The following CNTLN variants were observed in gnomAD, a reference collection of about 807,000 sequenced individuals.
The protein encoded by CNTLN is centlein, centrosomal protein.
Under a neutral mutation model 180.0 loss-of-function variants are expected in CNTLN, and 212 were observed. The ratio of observed to expected loss-of-function variants is 1.18; its 90% CI spans 1.05 to 1.32. The LOEUF is 1.32. Ranked by LOEUF, CNTLN falls within the 40% of genes most tolerant of loss-of-function variation. The pLI, the probability that CNTLN is intolerant of heterozygous loss-of-function variation, is 0.00. For synonymous variants in CNTLN, 722 were observed against 563.1 expected (o/e 1.28, Z -3.99); for missense variants, 2,095 against 1,610.9 (o/e 1.30, Z -5.14).
intron 5 of CNTLN, among the ~76,000 whole-genome samples, chr9:17,262,162 T>C (rs10962959): frequency 0.24 from 35,778 of 151,382 alleles, 4,768 homozygotes; most frequent in South Asian, 0.36. Flanking sequence ...TGGAAGACAG[T>C]GTGGCGATTC....
At chr9:17,261,333 T>G (rs998590718) in intron 5 of CNTLN, among the ~76,000 whole-genome samples, 1 of 151,636 alleles carries the variant, frequency 6.6e-6, no homozygotes, top group Middle Eastern at 3.4e-3. Context: ...TTGGTTTGTG[T>G]CATCTATGAT....
chr9:17,409,405 G>T lies in CNTLN; in HGVS notation c.2728G>T (p.Glu910Ter), dbSNP rs1158769617. The change falls in exon 16 of 26, where the codon GAA becomes TAA. Residue 910 changes from glutamate (E) to a stop codon, truncating the protein, a stop_gained. Coordinates refer to ENST00000380647, the MANE Select transcript of CNTLN (RefSeq NM_017738.4). LOFTEE classifies it high-confidence loss of function. Reference sequence around the variant, plus strand: ...AGACCAGAAAGAAAGTGATCCAACAGAAGACAGCCAAACACAAGGAAAAGA... The same window carrying T: ...AGACCAGAAAGAAAGTGATCCAACATAAGACAGCCAAACACAAGGAAAAGA... ...GKDQKESDPT[E>*]DSQTQGKEIV... 5 of 1,613,280 alleles carry T rather than the reference G, an allele frequency of 3.1e-6. No homozygotes were observed. Among genetic ancestry groups the T allele is most frequent in the Non-Finnish European group, 4.2e-6 (5 of 1,179,652 alleles).
intron 8 of CNTLN, among the ~76,000 whole-genome samples, chr9:17,328,306 C>G (rs1459009836): frequency 6.6e-6 from 1 of 152,190 alleles, no homozygotes; most frequent in East Asian, 1.9e-4. Flanking sequence ...CTACCACATT[C>G]TCAAAGTAAC....
chr9:17,189,887 C>G (rs558762879), intron 2 of CNTLN, among the ~76,000 whole-genome samples: 1 of 151,988 alleles, frequency 6.6e-6, no homozygotes, highest in Admixed American at 6.6e-5. Flanking sequence ...ATTGTAAGTC[C>G]TCTCTTACCT....
At chr9:17,476,387 A>G (rs181354080) in intron 23 of CNTLN, among the ~76,000 whole-genome samples, 12 of 152,342 alleles carry the variant, frequency 7.9e-5, no homozygotes, top group Non-Finnish European at 1.8e-4. Context: ...GAAGAATCAC[A>G]TATCTTTCAC....
At chr9:17,350,565 C>G (rs1051144740) in intron 12 of CNTLN, among the ~76,000 whole-genome samples, 3 of 152,080 alleles carry the variant, frequency 2.0e-5, no homozygotes, top group African/African-American at 7.2e-5. Flanking sequence ...ACGCAAATCT[C>G]TTGCTGATAT....
chr9:17,518,369 G>A, the CNTLN span, among the ~76,000 whole-genome samples: 3 of 152,004 alleles, frequency 2.0e-5, no homozygotes, highest in Non-Finnish European at 2.9e-5. Context: ...TAATACCACA[G>A]ATATGCAGTA....
intron 5 of CNTLN, among the ~76,000 whole-genome samples, chr9:17,241,124 C>T (rs1007107783): frequency 6.6e-6 from 1 of 152,168 alleles, no homozygotes; most frequent in African/African-American, 2.4e-5. Flanking sequence ...TCCCAAAGTG[C>T]TGGGATTACA....
intron 18 of CNTLN, among the ~76,000 whole-genome samples, chr9:17,429,838 T>A (rs1829310887): frequency 1.3e-5 from 2 of 152,120 alleles, no homozygotes; most frequent in South Asian, 2.1e-4. Context: ...TAGAATTTTT[T>A]CAAAATTATA....
chr9:17,228,671 C>G (rs556981398), intron 3 of CNTLN, among the ~76,000 whole-genome samples: 1 of 152,064 alleles, frequency 6.6e-6, no homozygotes, highest in East Asian at 1.9e-4. Context: ...TAGTCTCATA[C>G]AGACGACTGT....
intron 14 of CNTLN, among the ~76,000 whole-genome samples, chr9:17,391,681 T>C (rs1587863343): frequency 6.6e-6 from 1 of 152,230 alleles, no homozygotes; most frequent in African/African-American, 2.4e-5. Flanking sequence ...AATTGAAATA[T>C]ACAGCTGATT....
intron 25 of CNTLN, chr9:17,494,877 T>A (rs1238437341): frequency 5.4e-4 from 2 of 3,712 alleles, no homozygotes; most frequent in Non-Finnish European, 1.3e-3. Context: ...TATACCATAC[T>A]TTTTTTTTTT....
intron 2 of CNTLN, among the ~76,000 whole-genome samples, chr9:17,155,347 A>G (rs1819199190): frequency 6.6e-6 from 1 of 152,164 alleles, no homozygotes; most frequent in Non-Finnish European, 1.5e-5. Flanking sequence ...CCCTTAGCAG[A>G]CCTGGAATGC....
intron 12 of CNTLN, among the ~76,000 whole-genome samples, chr9:17,354,881 A>T (rs182837571): frequency 0.012 from 1,754 of 151,910 alleles, 38 homozygotes; most frequent in African/African-American, 0.04. Flanking sequence ...GAGCTGTAAC[A>T]CCGCCAAGAT....
In CNTLN at chr9:17,322,197, C is replaced by A. The variant is rs79777292; in HGVS notation, c.1342-8435C>A. On this transcript the variant is annotated intron_variant, in intron 8 of 25. Transcript: ENST00000380647. ...ATTTTTGGATAGTTTGATATTTAAT[C>A]AATTTTCAGGAGAGAACAACTTAGC... is the stretch of plus-strand genomic sequence containing the variant. 3.9e-3 allele frequency among the ~76,000 whole-genome samples: 595 copies of A among 152,036 alleles called. 1 individual carries two copies. The highest frequency in any genetic ancestry group is 0.013 in the African/African-American group (530 of 41,478).
At chr9:17,387,119 G>T (rs1421400591) in intron 13 of CNTLN, among the ~76,000 whole-genome samples, 1 of 152,124 alleles carries the variant, frequency 6.6e-6, no homozygotes, top group Non-Finnish European at 1.5e-5. Flanking sequence ...AAAGACAAAA[G>T]AAATGCCTAA....
intron 8 of CNTLN, among the ~76,000 whole-genome samples, chr9:17,322,959 A>T (rs780893545): frequency 2.0e-5 from 3 of 152,288 alleles, no homozygotes; most frequent in East Asian, 1.9e-4. Flanking sequence ...GATAACTTGT[A>T]ATATTAAATA....
chr9:17,175,189 G>A (rs747093382), intron 2 of CNTLN, among the ~76,000 whole-genome samples: 7 of 152,044 alleles, frequency 4.6e-5, no homozygotes, highest in African/African-American at 7.2e-5. Flanking sequence ...TGTTTTTGGC[G>A]TCAAATTGAG....
chr9:17,295,993 AGAGAGTGTGTGTGTGTGT>A (rs1298256430), intron 6 of CNTLN, among the ~76,000 whole-genome samples: 5 of 81,062 alleles, frequency 6.2e-5, no homozygotes, highest in African/African-American at 2.0e-4. Flanking sequence ...AGAGAGAGAG[AGAGAGTGTGTGTGTGTGT>A]GTGTGTGTGT....
Sources: gnomAD v4.1 joint callset for allele counts (sites outside exome capture counted in the v4.1 genomes callset) on GRCh38, gnomAD v4.1.1 for gene constraint, MANE v1.5 for transcripts, NCBI Gene and HGNC (gene_info 2026-07-23, HGNC 2026-07-21) for gene names.